Variants in RAB28 observed in about 807,000 individuals in gnomAD.
RAB28 encodes RAB28, member RAS oncogene family.
In RAB28, 24 loss-of-function variants were observed where a neutral mutation model predicts 31.7. The observed-to-expected ratio is 0.76, with a 90% CI of 0.55 to 1.06. The LOEUF is 1.06. Ranked by LOEUF, RAB28 falls within the 50% of genes least tolerant of loss-of-function variation. The pLI, the probability that RAB28 is intolerant of heterozygous loss-of-function variation, is 0.00. For missense variants in RAB28, 254 were observed against 258.5 expected (o/e 0.98, Z 0.12); for synonymous variants, 100 against 90.4 (o/e 1.11, Z -0.60).
intron 4 of RAB28, among the ~76,000 whole-genome samples, chr4:13,438,174 T>C (rs1433720890): frequency 6.6e-6 from 1 of 152,224 alleles, no homozygotes; most frequent in Non-Finnish European, 1.5e-5. Context: ...TAATCCAGAT[T>C]GGTAAAATAC....
At position 13,484,169 on chromosome 4, in the gene RAB28, C is replaced by G. The variant is rs375158675; in HGVS notation, c.-19G>C. ...CCGACATGGTGTCCCGGGAACCAGGCCCGCCCCTCGAGGTGGGGGGGGAAG... is the reference window on the plus strand; with the variant it reads ...CCGACATGGTGTCCCGGGAACCAGGGCCGCCCCTCGAGGTGGGGGGGGAAG... On this transcript the variant is annotated 5_prime_UTR_variant, in exon 1 of 7. Transcript: ENST00000330852. The G allele has an allele frequency of 1.9e-6, 3 of 1,566,474 alleles. No individual in the cohort carries two copies. In the South Asian group the frequency reaches 3.5e-5, roughly 18 times the overall value.
intron 6 of RAB28, among the ~76,000 whole-genome samples, chr4:13,368,983 T>C (rs1577142806): frequency 6.6e-6 from 1 of 152,138 alleles, no homozygotes; most frequent in East Asian, 1.9e-4. Context: ...ATCATTCACA[T>C]ATATTTTAAA....
chr4:13,473,307 A>G (rs1011027717), intron 3 of RAB28, among the ~76,000 whole-genome samples: 1 of 151,936 alleles, frequency 6.6e-6, no homozygotes, highest in Non-Finnish European at 1.5e-5. Flanking sequence ...TCCAATAAAG[A>G]ACTAGAAATT....
chr4:13,397,205 G>A (rs893013053), intron 4 of RAB28, among the ~76,000 whole-genome samples: 1 of 151,792 alleles, frequency 6.6e-6, no homozygotes, highest in African/African-American at 2.4e-5. Flanking sequence ...AGGTGGTGAG[G>A]GCAACATGCA....
chr4:13,460,406 G>C (rs973013909), intron 4 of RAB28, among the ~76,000 whole-genome samples: 1 of 152,074 alleles, frequency 6.6e-6, no homozygotes, highest in Non-Finnish European at 1.5e-5. Context: ...ATAGAGACAA[G>C]GGTCTCACTA....
At position 13,368,355 on chromosome 4, in the gene RAB28, A is replaced by C. The variant is rs1316824642; in HGVS notation, c.*203T>G. 3.3e-6 allele frequency: 4 copies of C among 1,214,252 alleles called. No homozygotes were observed. The highest frequency in any genetic ancestry group is 4.1e-6 in the Non-Finnish European group (4 of 976,118). 75.2% of individuals were successfully genotyped at this position (1,214,252 alleles called of 1,614,324 possible). A position where few individuals can be genotyped will look rare whatever the true frequency, so the allele number is the denominator to read the frequency against. On this transcript the variant is annotated 3_prime_UTR_variant, in exon 7 of 7. Transcript: ENST00000330852. ...GAATGGGTTTTCCATTTTGAATTCA[A>C]AGTGTGTGGTCCCAAAGTTGAATTC... is the stretch of plus-strand genomic sequence containing the variant.
intron 4 of RAB28, among the ~76,000 whole-genome samples, chr4:13,438,647 C>T (rs11737360): frequency 0.074 from 11,326 of 152,052 alleles, 747 homozygotes; most frequent in African/African-American, 0.18. Flanking sequence ...ACTTTTTGTT[C>T]CCGATTTATC....
At chr4:13,470,151 T>C (rs991708420) in intron 3 of RAB28, among the ~76,000 whole-genome samples, 1 of 152,138 alleles carries the variant, frequency 6.6e-6, no homozygotes, top group Non-Finnish European at 1.5e-5. Context: ...ATTCCCAAAA[T>C]GCAGGTTATT....
intron 4 of RAB28, among the ~76,000 whole-genome samples, chr4:13,422,399 T>C (rs1309594008): frequency 6.6e-6 from 1 of 152,200 alleles, no homozygotes; most frequent in African/African-American, 2.4e-5. Flanking sequence ...CATTGTTGGG[T>C]ATATATCCAA....
intron 3 of RAB28, among the ~76,000 whole-genome samples, chr4:13,464,037 T>C (rs1715724412): frequency 6.6e-6 from 1 of 151,806 alleles, no homozygotes; most frequent in African/African-American, 2.4e-5. Flanking sequence ...GACAAACAAA[T>C]CCAAAAAGTT....
At chr4:13,406,689 C>A (rs1213316984) in intron 4 of RAB28, among the ~76,000 whole-genome samples, 3 of 152,186 alleles carry the variant, frequency 2.0e-5, no homozygotes, top group Non-Finnish European at 2.9e-5. Flanking sequence ...TTAAAGATCG[C>A]CATTCTAACT....
intron 4 of RAB28, among the ~76,000 whole-genome samples, chr4:13,451,499 T>G (rs1370512003): frequency 6.6e-6 from 1 of 151,580 alleles, no homozygotes; most frequent in East Asian, 1.9e-4. Flanking sequence ...GGATAAGTAG[T>G]TTACAAATAT....
chr4:13,411,458 A>G (rs548388110), intron 4 of RAB28, among the ~76,000 whole-genome samples: 9 of 152,306 alleles, frequency 5.9e-5, no homozygotes, highest in South Asian at 2.1e-4. Flanking sequence ...TGTAAACTTA[A>G]TAACAATCTG....
In RAB28 at chr4:13,368,528, C is replaced by A; in HGVS notation, c.*30G>T. The A allele has an allele frequency of 1.9e-6, 3 of 1,589,148 alleles. No individual in the cohort carries two copies. Among genetic ancestry groups the A allele is most frequent in the East Asian group, 2.3e-5 (1 of 42,840 alleles). On this transcript the variant is annotated 3_prime_UTR_variant, in exon 7 of 7. Transcript: ENST00000330852. ...GGCCCACCCAGAGGTGAAGGGCAGC[C>A]AGAACTATCAACACAAAAGAAAAAT...
intron 4 of RAB28, among the ~76,000 whole-genome samples, chr4:13,387,161 G>A (rs1425307149): frequency 1.3e-5 from 2 of 151,928 alleles, no homozygotes; most frequent in Admixed American, 1.3e-4. Context: ...GTAATACCTG[G>A]GTGATGAAAA....
intron 4 of RAB28, among the ~76,000 whole-genome samples, chr4:13,439,793 A>T (rs1714319451): frequency 6.6e-6 from 1 of 152,192 alleles, no homozygotes; most frequent in Non-Finnish European, 1.5e-5. Flanking sequence ...CATATTGCAT[A>T]ATGCTGGGGT....
intron 3 of RAB28, chr4:13,473,800 A>G (rs562831560): frequency 2.8e-6 from 1 of 361,548 alleles, no homozygotes; most frequent in African/African-American, 2.2e-5. Context: ...TATCATAGTA[A>G]ATTATTGTAT....
chr4:13,436,180 C>A (rs1379200509), intron 4 of RAB28, among the ~76,000 whole-genome samples: 1 of 152,018 alleles, frequency 6.6e-6, no homozygotes, highest in Non-Finnish European at 1.5e-5. Flanking sequence ...AAACCTGCAA[C>A]AAACTAGACA....
chr4:13,387,651 T>A (rs1198255352), intron 4 of RAB28, among the ~76,000 whole-genome samples: 6 of 152,084 alleles, frequency 3.9e-5, no homozygotes, highest in Non-Finnish European at 8.8e-5. Context: ...TTTTGGTATT[T>A]GCTAGATTCT....
Sources: allele counts gnomAD v4.1 joint callset (sites outside exome capture counted in the v4.1 genomes callset), GRCh38; gene constraint gnomAD v4.1.1; transcripts MANE v1.5; gene names NCBI Gene and HGNC (gene_info 2026-07-23, HGNC 2026-07-21).